The following SHANK2 variants were observed in gnomAD, a reference collection of about 807,000 sequenced individuals.
SHANK2 encodes the protein SH3 and multiple ankyrin repeat domains protein 2.
In SHANK2, 43 loss-of-function variants were observed where a neutral mutation model predicts 133.7. The ratio of observed to expected loss-of-function variants is 0.32; its 90% confidence interval spans 0.25 to 0.41. The LOEUF is 0.41. Ranked by LOEUF, SHANK2 falls within the 10% of genes least tolerant of loss-of-function variation. The pLI is 1.00. For synonymous variants in SHANK2, 1,017 were observed against 952.8 expected (o/e 1.07, Z -1.24); for missense variants, 1,994 against 2,235.8 (o/e 0.89, Z 2.18).
chr11:70,587,630 T>C (rs1554987131), intron 17 of SHANK2, among the ~76,000 whole-genome samples: 1 of 152,108 alleles, frequency 6.6e-6, no homozygotes, highest in Non-Finnish European at 1.5e-5. Flanking sequence ...CTTGCTTTAT[T>C]GTGCTTTGGG....
chr11:70,952,599 C>A, intron 10 of SHANK2: 1 of 253,162 alleles, frequency 4.0e-6, no homozygotes, highest in Non-Finnish European at 8.5e-6. Flanking sequence ...CTCAAGTTGG[C>A]TCCTATGCCG....
intron 8 of SHANK2, among the ~76,000 whole-genome samples, chr11:71,082,923 C>G (rs945268415): frequency 6.6e-6 from 1 of 151,848 alleles, no homozygotes; most frequent in Admixed American, 6.6e-5. Context: ...CTGAATACAA[C>G]GGATTGTTTC....
intron 16 of SHANK2, among the ~76,000 whole-genome samples, chr11:70,661,071 G>A (rs2061480898): frequency 6.6e-6 from 1 of 152,222 alleles, no homozygotes; most frequent in Admixed American, 6.5e-5. Flanking sequence ...ACGGCAGAGG[G>A]GACCATCTTG....
chr11:70,755,933 C>A (rs1432794151), intron 14 of SHANK2, among the ~76,000 whole-genome samples: 1 of 152,192 alleles, frequency 6.6e-6, no homozygotes, highest in Non-Finnish European at 1.5e-5. Flanking sequence ...CTCTTGAATA[C>A]CCAGCCCTCC....
At chr11:70,779,716 C>T (rs1024391470) in intron 14 of SHANK2, among the ~76,000 whole-genome samples, 3 of 152,188 alleles carry the variant, frequency 2.0e-5, no homozygotes, top group African/African-American at 7.2e-5. Context: ...CTCTGATCTT[C>T]AAGGAGCTGA....
At chr11:70,811,200 A>G (rs1347460771) in intron 12 of SHANK2, among the ~76,000 whole-genome samples, 1 of 152,156 alleles carries the variant, frequency 6.6e-6, no homozygotes, top group South Asian at 2.1e-4. Context: ...CAAGGCTGAC[A>G]GTAGCTGGGG....
At chr11:70,834,180 G>A (rs1243008970) in intron 11 of SHANK2, among the ~76,000 whole-genome samples, 1 of 152,228 alleles carries the variant, frequency 6.6e-6, no homozygotes, top group African/African-American at 2.4e-5. Flanking sequence ...TTCAGGGGGA[G>A]ACGCAGGGGA....
At chr11:71,090,625 CTGTG>C (rs782587800) in intron 8 of SHANK2, among the ~76,000 whole-genome samples, 8,823 of 102,858 alleles carry the variant, frequency 0.086, 398 homozygotes, top group African/African-American at 0.13. Flanking sequence ...AACACAACCT[CTGTG>C]TGTGTGTGTG....
intron 2 of SHANK2, among the ~76,000 whole-genome samples, chr11:71,195,444 G>T (rs1953884969): frequency 1.3e-5 from 2 of 151,568 alleles, no homozygotes; most frequent in Admixed American, 6.6e-5. Flanking sequence ...GCCAAAATAT[G>T]CAGGTGAATG....
chr11:71,206,780 A>G (rs1290639556), intron 2 of SHANK2, among the ~76,000 whole-genome samples: 1 of 152,116 alleles, frequency 6.6e-6, no homozygotes, highest in Non-Finnish European at 1.5e-5. Flanking sequence ...ACAAAAAATA[A>G]AAGTAAAAAA....
At chr11:70,714,635 T>A (rs1555026880) in intron 14 of SHANK2, among the ~76,000 whole-genome samples, 1 of 152,180 alleles carries the variant, frequency 6.6e-6, no homozygotes, top group Admixed American at 6.5e-5. Flanking sequence ...TCAGGTGTGA[T>A]CTGATCATTT....
intron 14 of SHANK2, among the ~76,000 whole-genome samples, chr11:70,711,227 G>A (rs779604010): frequency 6.6e-6 from 1 of 152,172 alleles, no homozygotes; most frequent in South Asian, 2.1e-4. Context: ...CCTTGAGTCC[G>A]CTCTGGCCAC....
At position 71,217,752 on chromosome 11, in the gene SHANK2, T is replaced by C. The variant is rs73530340; in HGVS notation, c.-13+6945A>G. On this transcript the variant is annotated intron_variant, in intron 2 of 25. Transcript: ENST00000601538. ...ATTAAAAAGTAAAAAAGTCTTTGAA[T>C]AGAAAAAGGCTTATGGAATAAGGAT... Among the ~76,000 whole-genome samples, 1,518 of 152,312 alleles carry C rather than the reference T, an allele frequency of 1.0e-2. 25 individuals are homozygous for C. The highest frequency in any genetic ancestry group is 0.035 in the African/African-American group (1,451 of 41,574).
intron 24 of SHANK2, among the ~76,000 whole-genome samples, chr11:70,488,391 C>T (rs1245637893): frequency 1.3e-5 from 2 of 152,332 alleles, no homozygotes; most frequent in African/African-American, 2.4e-5. Flanking sequence ...CATCTGCCCA[C>T]GGTTGGCTCT....
chr11:70,870,414 G>T (rs782581228), intron 11 of SHANK2, among the ~76,000 whole-genome samples: 8 of 152,148 alleles, frequency 5.3e-5, no homozygotes, highest in Non-Finnish European at 1.0e-4. Flanking sequence ...AAGGTTTTTG[G>T]GTTTTCAGTT....
chr11:70,540,859 A>AAC (rs1421349670), intron 17 of SHANK2, among the ~76,000 whole-genome samples: 1 of 151,514 alleles, frequency 6.6e-6, no homozygotes, highest in African/African-American at 2.4e-5. Context: ...AAAAAAAAAA[A>AAC]AACTCAGATA....
rs557308444 is a variant in SHANK2, at chr11:70,850,233, C to T, written c.1175-29551G>A. 4.4e-4 allele frequency among the ~76,000 whole-genome samples: 67 copies of T among 152,274 alleles called. 2 individuals carry two copies. In the South Asian group the frequency reaches 0.013, roughly 30 times the overall value. ...TGTCAGCGGTCAGTACTCAGGTGAC[C>T]AGATGGGATCAGAGAAGCCAAACAA... On this transcript the variant is annotated intron_variant, in intron 11 of 25. Transcript: ENST00000601538.
intron 2 of SHANK2, among the ~76,000 whole-genome samples, chr11:71,207,178 CTTTTT>C (rs56946028): frequency 8.6e-6 from 1 of 115,864 alleles, no homozygotes. Flanking sequence ...TTTAAAATTC[CTTTTT>C]TTTTTTTTTT....
intron 10 of SHANK2, among the ~76,000 whole-genome samples, chr11:70,900,116 G>T (rs1950002786): frequency 6.6e-6 from 1 of 152,224 alleles, no homozygotes; most frequent in African/African-American, 2.4e-5. Flanking sequence ...AGCACTTTGG[G>T]AGGCTGAGGC....
Sources: gnomAD v4.1 joint callset for allele counts (sites outside exome capture counted in the v4.1 genomes callset) on GRCh38, gnomAD v4.1.1 for gene constraint, MANE v1.5 for transcripts, NCBI Gene and HGNC (gene_info 2026-07-23, HGNC 2026-07-21) for gene names.